The following MTFR1 variants were observed in gnomAD, a reference collection of about 807,000 sequenced individuals.
MTFR1 encodes mitochondrial fission regulator 1, also known as chondrocyte protein with a poly-proline region.
In MTFR1, 28 loss-of-function variants were observed where a neutral mutation model predicts 38.8. The ratio of observed to expected loss-of-function variants is 0.72; its 90% CI spans 0.53 to 0.99. The LOEUF is 0.99. Ranked by LOEUF, MTFR1 falls within the 50% of genes least tolerant of loss-of-function variation. The pLI, the probability that MTFR1 is intolerant of heterozygous loss-of-function variation, is 0.00. For synonymous variants in MTFR1, 145 were observed against 137.0 expected (o/e 1.06, Z -0.41); for missense variants, 358 against 395.5 (o/e 0.91, Z 0.81).
downstream of MTFR1, among the ~76,000 whole-genome samples, chr8:65,776,054 T>G (rs1454872423): frequency 6.6e-6 from 1 of 152,206 alleles, no homozygotes; most frequent in Non-Finnish European, 1.5e-5. Context: ...ATATCCACAT[T>G]GCTAAATCAA....
chr8:65,768,875 AG>A (rs1355687587), intron 3 of MTFR1, among the ~76,000 whole-genome samples: 1 of 152,252 alleles, frequency 6.6e-6, no homozygotes, highest in Non-Finnish European at 1.5e-5. Flanking sequence ...AAAAAGGTCA[AG>A]AATGCATCAG....
intron 3 of MTFR1, among the ~76,000 whole-genome samples, chr8:65,761,084 G>A (rs545498849): frequency 6.6e-5 from 10 of 151,178 alleles, no homozygotes; most frequent in South Asian, 6.2e-4. Context: ...TTTTTAGACG[G>A]AGTCTCGCCC....
chr8:65,768,848 A>G (rs970978577), intron 3 of MTFR1, among the ~76,000 whole-genome samples: 5 of 152,212 alleles, frequency 3.3e-5, no homozygotes, highest in Non-Finnish European at 7.3e-5. Flanking sequence ...AATAAAAGAT[A>G]TAATCAAAAA....
chr8:65,652,548 T>C (rs930229532), intron 1 of MTFR1, among the ~76,000 whole-genome samples: 5 of 152,216 alleles, frequency 3.3e-5, no homozygotes, highest in African/African-American at 1.2e-4. Context: ...AAATTGCTTT[T>C]GAGTTTTCAT....
chr8:65,655,077 G>A (rs989484481), intron 1 of MTFR1, among the ~76,000 whole-genome samples: 4 of 152,162 alleles, frequency 2.6e-5, no homozygotes, highest in African/African-American at 7.2e-5. Context: ...GTTTTCAAAA[G>A]ATTATTTTAA....
chr8:65,677,487 A>G (rs1233931720), intron 2 of MTFR1, among the ~76,000 whole-genome samples: 1 of 139,368 alleles, frequency 7.2e-6, no homozygotes, highest in African/African-American at 2.7e-5. Context: ...GGTTTAAGCT[A>G]TTCTCCTGCC....
intron 3 of MTFR1, among the ~76,000 whole-genome samples, chr8:65,735,953 T>C (rs1807111834): frequency 6.6e-6 from 1 of 152,128 alleles, no homozygotes; most frequent in African/African-American, 2.4e-5. Context: ...ATATTTTTAG[T>C]ATAGTAGTCC....
chr8:65,655,956 A>ATATATATATG (rs1585743531), intron 1 of MTFR1, among the ~76,000 whole-genome samples: 7 of 20,650 alleles, frequency 3.4e-4, no homozygotes, highest in Admixed American at 6.8e-4. Flanking sequence ...AAAAAAATAT[A>ATATATATATG]TATATATATA....
chr8:65,768,161 C>T (rs961512401), intron 3 of MTFR1, among the ~76,000 whole-genome samples: 1 of 152,168 alleles, frequency 6.6e-6, no homozygotes, highest in African/African-American at 2.4e-5. Flanking sequence ...GGTGTGAGAG[C>T]AGAGGGAAAA....
At chr8:65,744,756 T>G (rs1050247150) in intron 3 of MTFR1, among the ~76,000 whole-genome samples, 3 of 152,134 alleles carry the variant, frequency 2.0e-5, no homozygotes, top group Non-Finnish European at 2.9e-5. Context: ...TTACTTTGGG[T>G]TATTAATAAT....
chr8:65,711,967 C>A (rs1449361331), downstream of MTFR1, among the ~76,000 whole-genome samples: 1 of 152,124 alleles, frequency 6.6e-6, no homozygotes, highest in Non-Finnish European at 1.5e-5. Context: ...CCTGATCATA[C>A]CAAATGGTTA....
chr8:65,697,196 G>A (rs1270841908), intron 4 of MTFR1, among the ~76,000 whole-genome samples: 3 of 151,758 alleles, frequency 2.0e-5, no homozygotes, highest in Admixed American at 2.0e-4. Flanking sequence ...TGTTGGCCAG[G>A]CTAGTCTCGA....
intron 1 of MTFR1, among the ~76,000 whole-genome samples, chr8:65,664,932 A>T (rs1249219054): frequency 2.0e-4 from 29 of 142,650 alleles, no homozygotes; most frequent in Non-Finnish European, 3.5e-4. Flanking sequence ...TTTAAAAAAA[A>T]ATTTTTTTTT....
At chr8:65,657,061 T>C (rs890681875) in intron 1 of MTFR1, among the ~76,000 whole-genome samples, 4 of 151,720 alleles carry the variant, frequency 2.6e-5, no homozygotes, top group African/African-American at 9.7e-5. Flanking sequence ...TTGCCCAGGC[T>C]GGAGTGCAGT....
intron 3 of MTFR1, among the ~76,000 whole-genome samples, chr8:65,764,829 G>A (rs1808689306): frequency 6.6e-6 from 1 of 152,164 alleles, no homozygotes; most frequent in South Asian, 2.1e-4. Flanking sequence ...GCGAAATTTA[G>A]GGAAAATTCT....
At chr8:65,721,958 T>G (rs1806397161) in intron 3 of MTFR1, 1 of 151,956 alleles carries the variant, frequency 6.6e-6, no homozygotes, top group Non-Finnish European at 1.5e-5. Context: ...CCCAGCTAAT[T>G]TTTGTATTTT....
At chr8:65,739,888 A>G (rs1807331343) in intron 3 of MTFR1, among the ~76,000 whole-genome samples, 1 of 152,200 alleles carries the variant, frequency 6.6e-6, no homozygotes, top group South Asian at 2.1e-4. Flanking sequence ...ATGAGAATAG[A>G]CAATAGAAAA....
At chr8:65,646,080 T>G (rs1356549499) in intron 1 of MTFR1, among the ~76,000 whole-genome samples, 2 of 152,214 alleles carry the variant, frequency 1.3e-5, no homozygotes, top group Non-Finnish European at 2.9e-5. Context: ...CCAGATAATC[T>G]AGACAGTAGT....
the MTFR1 span, among the ~76,000 whole-genome samples, chr8:65,777,512 T>C: frequency 5.9e-5 from 9 of 152,218 alleles, no homozygotes; most frequent in Non-Finnish European, 1.3e-4. Flanking sequence ...TTTGATAATA[T>C]GTTATTTAGG....
Sources: gnomAD v4.1 joint callset for allele counts (sites outside exome capture counted in the v4.1 genomes callset) on GRCh38, gnomAD v4.1.1 for gene constraint, MANE v1.5 for transcripts, NCBI Gene and HGNC (gene_info 2026-07-23, HGNC 2026-07-21) for gene names.